TAF4: variants seen among roughly 807,000 people sequenced by gnomAD.
The protein encoded by TAF4 is TATA-box binding protein associated factor 4.
TAF4 carries 9 observed loss-of-function variants against 90.3 expected under a neutral mutation model. That is an observed-to-expected ratio of 0.10 (90% CI 0.06 to 0.17). The LOEUF (loss-of-function observed/expected upper bound fraction) is 0.17. TAF4 is among the 10% of genes least tolerant of loss of function. TAF4 has a pLI of 1.00. For synonymous variants in TAF4, 818 were observed against 638.9 expected (o/e 1.28, Z -4.23); for missense variants, 1,351 against 1,370.7 (o/e 0.99, Z 0.23).
At chr20:62,035,867 A>T (rs1370500010) in intron 1 of TAF4, among the ~76,000 whole-genome samples, 3 of 152,106 alleles carry the variant, frequency 2.0e-5, no homozygotes, top group Admixed American at 6.5e-5. Context: ...ATACGAAATA[A>T]TTTAAAGAAA....
chr20:62,019,391 TG>T (rs2055830067), intron 1 of TAF4, among the ~76,000 whole-genome samples: 1 of 152,266 alleles, frequency 6.6e-6, no homozygotes, highest in Non-Finnish European at 1.5e-5. Context: ...TAACTGTCCG[TG>T]GCTACATACT....
intron 1 of TAF4, among the ~76,000 whole-genome samples, chr20:62,044,318 T>C (rs1391801776): frequency 1.3e-5 from 2 of 152,232 alleles, no homozygotes; most frequent in African/African-American, 4.8e-5. Context: ...TTAGCGTATA[T>C]GCTACATTAG....
chr20:61,993,913 C>T (rs935442469), intron 14 of TAF4, among the ~76,000 whole-genome samples: 1 of 152,080 alleles, frequency 6.6e-6, no homozygotes, highest in Admixed American at 6.6e-5. Context: ...CCACCACGCC[C>T]GGCTAAATTT....
At chr20:62,001,962 G>C (rs1014304210) in intron 9 of TAF4, among the ~76,000 whole-genome samples, 3 of 152,178 alleles carry the variant, frequency 2.0e-5, no homozygotes, top group African/African-American at 7.2e-5. Flanking sequence ...ACCCTGCGGT[G>C]AACAAAGCTA....
chr20:62,020,238 C>T (rs551882884), intron 1 of TAF4, among the ~76,000 whole-genome samples: 224 of 152,366 alleles, frequency 1.5e-3, no homozygotes, highest in African/African-American at 4.7e-3. Flanking sequence ...TCCCTCCCAA[C>T]GCACAGGACA....
chr20:62,055,044 A>G (rs981105603), intron 1 of TAF4, among the ~76,000 whole-genome samples: 28 of 152,184 alleles, frequency 1.8e-4, no homozygotes, highest in African/African-American at 5.8e-4. Flanking sequence ...GCTCAGACGC[A>G]AAAGTGACCT....
intron 14 of TAF4, among the ~76,000 whole-genome samples, chr20:61,989,930 C>T (rs932584305): frequency 5.3e-5 from 8 of 152,092 alleles, no homozygotes; most frequent in Non-Finnish European, 8.8e-5. Flanking sequence ...CACAGGCAGG[C>T]GGTTAATAAC....
At chr20:61,976,459 C>T (rs2055495493) in intron 14 of TAF4, 124 bp from the exon 15 acceptor site, 15 of 1,138,370 alleles carry the variant, frequency 1.3e-5, no homozygotes, top group Admixed American at 2.0e-5. Context: ...GGGCTCCTTC[C>T]GGTAGGCCCA....
intron 5 of TAF4, chr20:62,007,950 T>G (rs1055074153): frequency 9.0e-6 from 2 of 222,430 alleles, no homozygotes; most frequent in African/African-American, 4.7e-5. Flanking sequence ...CTACTCGGTG[T>G]CAGGCATTTT....
intron 1 of TAF4, among the ~76,000 whole-genome samples, chr20:62,044,832 T>C (rs1221194849): frequency 6.6e-6 from 1 of 152,142 alleles, no homozygotes; most frequent in Non-Finnish European, 1.5e-5. Flanking sequence ...TTCCTCTAAA[T>C]GCCATTCCAA....
rs28382117 is a variant in TAF4 at position 61,998,676 on chromosome 20, G to GTT, written c.2913+306_2913+307insAA. Among the ~76,000 whole-genome samples, 652 of 152,360 alleles carry GTT rather than the reference G, an allele frequency of 4.3e-3. 23 individuals carry two copies. The highest frequency in any genetic ancestry group is 0.039 in the Admixed American group (599 of 15,302). ...GTGAATGTTCTAGAACAAGGACAAC[G>GTT]TGAGTGTGAAGAGTCCAGTCCAGCG... On this transcript the variant is annotated intron_variant, in intron 12 of 14. Coordinates refer to ENST00000252996, the MANE Select transcript of TAF4 (RefSeq NM_003185.4).
intron 1 of TAF4, among the ~76,000 whole-genome samples, chr20:62,062,081 C>G (rs1304424438): frequency 1.3e-5 from 2 of 152,246 alleles, no homozygotes; most frequent in Non-Finnish European, 2.9e-5. Context: ...CCACTTGACA[C>G]CCACATGCAG....
At chr20:62,014,044 G>GTA (rs150781044) in intron 2 of TAF4, among the ~76,000 whole-genome samples, 1 of 131,230 alleles carries the variant, frequency 7.6e-6, no homozygotes, top group Non-Finnish European at 1.5e-5. Context: ...GTGTGTGTGT[G>GTA]TATGTGTGTG....
At position 62,041,245 on chromosome 20, in the gene TAF4, C is replaced by T. The variant is rs1427048558; in HGVS notation, c.1360+23206G>A. 3.3e-5 allele frequency among the ~76,000 whole-genome samples: 5 copies of T among 152,326 alleles called. No homozygotes were observed. The South Asian group carries it at 6.2e-4, about 19-fold the overall frequency. On this transcript the variant is annotated intron_variant, in intron 1 of 14. Transcript: ENST00000252996. ...TGGGGGTAGACATCCTCAATCTGTG[C>T]ACTTACAAGGGGGACATTTTATTGT...
intron 1 of TAF4, among the ~76,000 whole-genome samples, chr20:62,057,055 A>G (rs2056068831): frequency 6.6e-6 from 1 of 152,070 alleles, no homozygotes; most frequent in South Asian, 2.1e-4. Context: ...CCTCCGCAGA[A>G]GACACAGAAC....
intron 1 of TAF4, among the ~76,000 whole-genome samples, chr20:62,055,742 G>A (rs1014632575): frequency 1.3e-5 from 2 of 152,150 alleles, no homozygotes; most frequent in Non-Finnish European, 2.9e-5. Context: ...AGCCTTCCCT[G>A]ACTACCCTGC....
chr20:62,063,465 C>A (rs2056101562), intron 1 of TAF4, among the ~76,000 whole-genome samples: 1 of 152,246 alleles, frequency 6.6e-6, no homozygotes, highest in Admixed American at 6.5e-5. Flanking sequence ...GACGGGGAGC[C>A]CCAGACAAAA....
At chr20:62,029,504 A>G (rs919084444) in intron 1 of TAF4, among the ~76,000 whole-genome samples, 2 of 151,854 alleles carry the variant, frequency 1.3e-5, no homozygotes, top group African/African-American at 4.8e-5. Context: ...ACACACACAC[A>G]CACTCATACA....
intron 1 of TAF4, among the ~76,000 whole-genome samples, chr20:62,026,150 C>G (rs2055873315): frequency 6.6e-6 from 1 of 152,210 alleles, no homozygotes; most frequent in African/African-American, 2.4e-5. Context: ...AAGTTCACAG[C>G]TAGCACACGA....
Sources: gnomAD v4.1 joint callset for allele counts (sites outside exome capture counted in the v4.1 genomes callset) on GRCh38, gnomAD v4.1.1 for gene constraint, MANE v1.5 for transcripts, NCBI Gene and HGNC (gene_info 2026-07-23, HGNC 2026-07-21) for gene names.